SGK3: variants seen among roughly 807,000 people sequenced by gnomAD.
The protein encoded by SGK3 is serine/threonine-protein kinase Sgk3.
In SGK3, 47 loss-of-function variants were observed where a neutral mutation model predicts 68.5. The ratio of observed to expected loss-of-function variants is 0.69; its 90% CI spans 0.54 to 0.87. SGK3 has a LOEUF of 0.87. SGK3 is among the 40% of genes least tolerant of loss of function. SGK3 has a pLI of 0.00. For missense variants in SGK3, 479 were observed against 575.5 expected, an observed-to-expected ratio of 0.83 and a Z score of 1.72; for synonymous variants, 181 against 189.1, an observed-to-expected ratio of 0.96 and a Z score of 0.35.
chr8:66,815,063 C>T (rs1585757153), intron 5 of SGK3, among the ~76,000 whole-genome samples: 1 of 152,144 alleles, frequency 6.6e-6, no homozygotes, highest in South Asian at 2.1e-4. Flanking sequence ...CTTTTCGGAA[C>T]CACAACATTG....
chr8:66,783,141 T>G (rs1807059246), intron 1 of SGK3, among the ~76,000 whole-genome samples: 1 of 152,238 alleles, frequency 6.6e-6, no homozygotes, highest in Non-Finnish European at 1.5e-5. Flanking sequence ...GCATTTGGTG[T>G]TGTCAGTGTT....
chr8:66,831,348 T>A, intron 8 of SGK3, 37 bp downstream of exon 8: 1 of 1,610,126 alleles, frequency 6.2e-7, no homozygotes, highest in Middle Eastern at 1.7e-4. Context: ...TTGGTTTTGG[T>A]TTTGGTTTTT....
rs747541813 is a variant in SGK3, at chr8:66,860,247, G to A, written c.*666G>A. 2.0e-5 allele frequency: 3 copies of A among 152,248 alleles called. No homozygotes were observed. Among genetic ancestry groups the A allele is most frequent in the African/African-American group, 4.8e-5 (2 of 41,444 alleles). 9.4% of individuals were successfully genotyped at this position (152,248 alleles called of 1,614,324 possible). On this transcript the variant is annotated 3_prime_UTR_variant, in exon 17 of 17. Transcript: ENST00000521198. ...AGGCGGGCAGATCACCTGAGGTCAG[G>A]AGTTGGAGACCAGCCTGACCAACAT...
intron 5 of SGK3, among the ~76,000 whole-genome samples, chr8:66,818,913 T>C (rs1423165741): frequency 6.6e-6 from 1 of 152,240 alleles, no homozygotes; most frequent in Admixed American, 6.5e-5. Flanking sequence ...TTCTGATATA[T>C]CTTGGAGTAG....
At chr8:66,728,363 G>T (rs936855719) in intron 1 of SGK3, among the ~76,000 whole-genome samples, 4 of 141,690 alleles carry the variant, frequency 2.8e-5, no homozygotes, top group Non-Finnish European at 6.1e-5. Flanking sequence ...TTTCACTTTT[G>T]TCACCCAGGC....
At chr8:66,838,427 T>G (rs1224609115) in intron 10 of SGK3, among the ~76,000 whole-genome samples, 1 of 152,190 alleles carries the variant, frequency 6.6e-6, no homozygotes, top group Non-Finnish European at 1.5e-5. Flanking sequence ...TGTCTCAATG[T>G]TACGGTGTTC....
chr8:66,734,228 CTT>C (rs529741200), intron 1 of SGK3, among the ~76,000 whole-genome samples: 8,845 of 104,182 alleles, frequency 0.085, 903 homozygotes, highest in African/African-American at 0.28. Context: ...CTTTTTCTTT[CTT>C]TTTTTTTTTT....
At chr8:66,793,949 T>C (rs1482980284) in intron 2 of SGK3, 117 bp downstream of exon 2, 20 of 1,083,648 alleles carry the variant, frequency 1.8e-5, no homozygotes, top group Non-Finnish European at 2.7e-5. Flanking sequence ...ACCTAGATTT[T>C]ACTTCTTTCA....
intron 14 of SGK3, 62 bp downstream of exon 14, chr8:66,843,609 T>C: frequency 6.6e-7 from 1 of 1,516,224 alleles, no homozygotes; most frequent in Non-Finnish European, 9.1e-7. Context: ...TCTGTCTGTC[T>C]CTCCCACCTT....
In SGK3 at chr8:66,835,957, G is replaced by A. The variant is rs1357586907; in HGVS notation, c.624G>A (p.Met208Ile). The change falls in exon 10 of 17, where the codon ATG (methionine) becomes ATA (isoleucine). Residue 208 changes from methionine to isoleucine, a missense_variant. Transcript: ENST00000521198. ...VLNRKEQKHI[M>I]AERNVLLKNV... is the part of the protein sequence containing the mutation. Reference sequence around the variant, plus strand: ...CTTTTTTCCAGCAAAAACATATTATGGCTGAACGTAATGTGCTCTTGAAAA... The same window carrying A: ...CTTTTTTCCAGCAAAAACATATTATAGCTGAACGTAATGTGCTCTTGAAAA... 6.2e-7 allele frequency: 1 copy of A among 1,613,584 alleles called. No individual in the cohort carries two copies. The highest frequency in any genetic ancestry group is 1.1e-5 in the South Asian group (1 of 91,020).
chr8:66,714,432 T>G (rs201697938), intron 1 of SGK3, among the ~76,000 whole-genome samples: 1 of 152,064 alleles, frequency 6.6e-6, no homozygotes, highest in African/African-American at 2.4e-5. Context: ...TTCTTGTTAT[T>G]GTGACTATGA....
intron 2 of SGK3, 58 bp downstream of exon 2, chr8:66,793,890 T>G: frequency 1.3e-6 from 2 of 1,550,888 alleles, no homozygotes; most frequent in East Asian, 4.9e-5. Context: ...ATATTTTCAT[T>G]TCTGCTTTTC....
At chr8:66,795,198 G>T (rs1807628089) in intron 2 of SGK3, among the ~76,000 whole-genome samples, 1 of 152,192 alleles carries the variant, frequency 6.6e-6, no homozygotes, top group Non-Finnish European at 1.5e-5. Context: ...GCCGGAAAAT[G>T]ATGGTTTTCT....
chr8:66,831,954 A>G (rs1809320197), intron 8 of SGK3, among the ~76,000 whole-genome samples: 2 of 152,178 alleles, frequency 1.3e-5, no homozygotes, highest in Admixed American at 1.3e-4. Flanking sequence ...GTCAATTTAA[A>G]ATATTCAGTC....
chr8:66,753,787 C>A (rs1805897693), intron 1 of SGK3, among the ~76,000 whole-genome samples: 1 of 152,050 alleles, frequency 6.6e-6, no homozygotes, highest in Admixed American at 6.6e-5. Context: ...CCATTGCACT[C>A]CAGCTTGGGC....
chr8:66,760,800 G>T (rs1489855507), intron 1 of SGK3, among the ~76,000 whole-genome samples: 1 of 152,104 alleles, frequency 6.6e-6, no homozygotes, highest in East Asian at 1.9e-4. Context: ...ATAAGATTTT[G>T]ATATATAGCA....
At chr8:66,789,726 G>C (rs1336751948) in intron 1 of SGK3, among the ~76,000 whole-genome samples, 1 of 152,136 alleles carries the variant, frequency 6.6e-6, no homozygotes, top group Non-Finnish European at 1.5e-5. Context: ...AATTGCTGCA[G>C]GTCCTTCTCA....
intron 15 of SGK3, among the ~76,000 whole-genome samples, chr8:66,850,629 G>A (rs1810242569): frequency 6.6e-6 from 1 of 152,182 alleles, no homozygotes; most frequent in African/African-American, 2.4e-5. Context: ...TTAAGTTTAA[G>A]TAGGTCATTC....
intron 1 of SGK3, among the ~76,000 whole-genome samples, chr8:66,751,377 G>A (rs1805814108): frequency 6.6e-6 from 1 of 152,038 alleles, no homozygotes; most frequent in African/African-American, 2.4e-5. Flanking sequence ...GAGCTTAAAT[G>A]AAAAAGAAAA....
Sources: gnomAD v4.1 joint callset for allele counts (sites outside exome capture counted in the v4.1 genomes callset) on GRCh38, gnomAD v4.1.1 for gene constraint, MANE v1.5 for transcripts, NCBI Gene and HGNC (gene_info 2026-07-23, HGNC 2026-07-21) for gene names.